The following LST1 variants were observed in gnomAD, a reference collection of about 807,000 sequenced individuals.
LST1 encodes leukocyte-specific transcript 1 protein.
LST1 carries 9 observed loss-of-function variants against 8.5 expected under a neutral mutation model. That is an observed-to-expected ratio of 1.06 (90% CI 0.64 to 1.85). LST1 has a LOEUF of 1.85. Among genes scored for constraint, LST1 ranks in the 40% most tolerant of loss-of-function variants. LST1 has a pLI of 0.00. For synonymous variants in LST1, 53 were observed against 50.4 expected, an observed-to-expected ratio of 1.05 and a Z score of -0.21; for missense variants, 121 against 117.1, an observed-to-expected ratio of 1.03 and a Z score of -0.16.
At chr6:31,586,505 C>T (rs548961806) in intron 1 of LST1, among the ~76,000 whole-genome samples, 190 bp downstream of exon 1, 37 of 152,346 alleles carry the variant, frequency 2.4e-4, no homozygotes, top group African/African-American at 8.4e-4. Flanking sequence ...TGGCCTCCAC[C>T]TGCACTTCTG....
Position 31,588,858 on chromosome 6 carries a change from A to G in LST1, c.*182A>G, listed in dbSNP as rs986476. On this transcript the variant is annotated 3_prime_UTR_variant, in exon 5 of 5. Transcript: ENST00000438075. ...TTGACCTTTGAATAGGGAATTTTTT[A>G]AATTTTTTAAAAATTAAAATAAAAA... 3 of 880,232 alleles carry G rather than the reference A, an allele frequency of 3.4e-6. No homozygotes were observed. The highest frequency in any genetic ancestry group is 2.6e-4 in the Middle Eastern group (1 of 3,880). 54.5% of individuals were successfully genotyped at this position (880,232 alleles called of 1,614,324 possible).
chr6:31,587,066 G>T, intron 1 of LST1, 134 bp from the exon 2 acceptor site: 1 of 592,716 alleles, frequency 1.7e-6, no homozygotes, highest in Non-Finnish European at 3.0e-6. Context: ...TCTTTACTTG[G>T]GCAACGGGCA....
intron 3 of LST1, 26 bp from the exon 4 acceptor site, chr6:31,587,917 TG>T (rs756904914): frequency 1.2e-6 from 2 of 1,606,928 alleles, no homozygotes; most frequent in Non-Finnish European, 8.5e-7. Flanking sequence ...AAGGGTGGGC[TG>T]TGTTGAGCTT....
At chr6:31,588,441 C>G in intron 4 of LST1, 77 bp from the exon 5 acceptor site, 4 of 1,443,044 alleles carry the variant, frequency 2.8e-6, no homozygotes, top group South Asian at 1.2e-5. Context: ...GTAAGAAAGG[C>G]TGGAGGTGGG....
chr6:31,587,550 G>A (rs542384449), intron 2 of LST1, 91 bp from the exon 3 acceptor site: 1 of 851,212 alleles, frequency 1.2e-6, no homozygotes, highest in East Asian at 2.6e-5. Context: ...AACTGTTGGA[G>A]AGGGAATCTG....
At position 31,587,665 on chromosome 6, in the gene LST1, G is replaced by A. The variant is rs752238284; in HGVS notation, c.44G>A (p.Gly15Glu). ...NDDICIYGGL[G>E]LGGLLLLAVV... ...GATATATGTATCTACGGGGGCCTGGGGCTGGGCGGGCTCCTGCTTCTGGCA... is the reference window on the plus strand; with the variant it reads ...GATATATGTATCTACGGGGGCCTGGAGCTGGGCGGGCTCCTGCTTCTGGCA... The change falls in exon 3 of 5, where the codon GGG becomes GAG. Residue 15 changes from glycine to glutamate, a missense_variant. Physicochemically the swap from Gly to Glu is moderately conservative, Grantham distance 98. Coordinates refer to ENST00000438075, the MANE Select transcript of LST1 (RefSeq NM_205839.3). 1.2e-6 allele frequency: 2 copies of A among 1,604,108 alleles called. No homozygotes were observed. The highest frequency in any genetic ancestry group is 1.1e-5 in the South Asian group (1 of 89,362).
intron 4 of LST1, 144 bp from the exon 5 acceptor site, chr6:31,588,374 A>AAGAGAGAGAGAGAGAGAGAGAG (rs9279359): frequency 1.1e-5 from 7 of 627,248 alleles, no homozygotes; most frequent in African/African-American, 4.1e-5. Flanking sequence ...CCAAAGAAAA[A>AAGAGAGAGAGAGAGAGAGAGAG]AGAGAGAGAG....
At chr6:31,588,403 G>GGAGA (rs71663687) in intron 4 of LST1, 115 bp from the exon 5 acceptor site, 19,692 of 536,362 alleles carry the variant, frequency 0.037, 361 homozygotes, top group East Asian at 0.18. Context: ...AGAGAGAGAG[G>GGAGA]GAGAGAGAGA....
rs548410608 is a variant in LST1, at chr6:31,587,666, G to A, written c.45G>A (p.Gly15=). 230 of 1,604,070 alleles carry A rather than the reference G, an allele frequency of 1.4e-4. 1 individual carries two copies. In the East Asian group the frequency reaches 4.7e-3, roughly 33 times the overall value. The stretch of plus-strand genomic sequence containing the variant: ...ATATATGTATCTACGGGGGCCTGGG[G>A]CTGGGCGGGCTCCTGCTTCTGGCAG... The part of the protein sequence containing the change: ...NDDICIYGGL[G]LGGLLLLAVV... Residue 15 remains glycine, a synonymous_variant, in exon 3 of 5, where the codon GGG becomes GGA. Transcript: ENST00000438075.
At chr6:31,586,974 G>C (rs1454131851) in intron 1 of LST1, 1 of 498,056 alleles carries the variant, frequency 2.0e-6, no homozygotes, top group East Asian at 3.6e-5. Context: ...CTGGGCTCTG[G>C]AGTTGGGCAG....
In LST1 at chr6:31,587,209, T is replaced by C; in HGVS notation, c.-91T>C. 1 of 857,062 alleles carries C rather than the reference T, an allele frequency of 1.2e-6. No individual in the cohort carries two copies. Among genetic ancestry groups the C allele is most frequent in the Non-Finnish European group, 2.0e-6 (1 of 502,554 alleles). 53.1% of individuals were successfully genotyped at this position (857,062 alleles called of 1,614,324 possible). On this transcript the variant is annotated 5_prime_UTR_variant, in exon 2 of 5. Coordinates refer to ENST00000438075, the MANE Select transcript of LST1 (RefSeq NM_205839.3). ...GCCCCTCACTTCACAGATGAGGAAC[T>C]TGAGGCAAGTCACCAGCCCCTGATC...
Position 31,588,602 on chromosome 6 carries a change from G to A in LST1, c.220G>A (p.Gly74Ser), listed in dbSNP as rs760163620. The change falls in exon 5 of 5, where the codon GGC becomes AGC. Residue 74 changes from glycine to serine, a missense_variant. Physicochemically the swap from Gly to Ser is moderately conservative, Grantham distance 56 (BLOSUM62 0). Coordinates refer to ENST00000438075, the MANE Select transcript of LST1 (RefSeq NM_205839.3). ...VPSSEGPDLR[G>S]RDKRGTKEDP... Reference sequence around the variant, plus strand: ...CAGCAGTGAGGGACCTGACCTCAGGGGCAGAGACAAGAGAGGCACCAAGGA... The same window carrying A: ...CAGCAGTGAGGGACCTGACCTCAGGAGCAGAGACAAGAGAGGCACCAAGGA... 6.2e-7 allele frequency: 1 copy of A among 1,613,054 alleles called. No homozygotes were observed. The highest frequency in any genetic ancestry group is 2.2e-5 in the East Asian group (1 of 44,884).
In LST1 at chr6:31,588,533, G is replaced by C; in HGVS notation, c.151G>C (p.Glu51Gln). 6.2e-7 allele frequency: 1 copy of C among 1,608,260 alleles called. No homozygotes were observed. The highest frequency in any genetic ancestry group is 1.1e-5 in the South Asian group (1 of 90,318). Residue 51 changes from glutamate to glutamine, a missense_variant, in exon 5 of 5, where the codon GAG (glutamate) becomes CAG (glutamine). Transcript: ENST00000438075. Reference sequence around the variant, plus strand: ...CTGGTCCCAGGCCCAGGGCTCCTCAGAGCAGGAACTCCACTATGCATCTCT... The same window carrying C: ...CTGGTCCCAGGCCCAGGGCTCCTCACAGCAGGAACTCCACTATGCATCTCT... ...LERSWAQGSS[E>Q]QELHYASLQR... is the part of the protein sequence containing the mutation.
In LST1 at chr6:31,588,724, T is replaced by G. The variant is rs757455962; in HGVS notation, c.*48T>G. ...CCCAGGCGGGTGGACAGGGTCCCCCTGTGGTCCAGCCAGTAAAAACCATGG... is the reference window on the plus strand; with the variant it reads ...CCCAGGCGGGTGGACAGGGTCCCCCGGTGGTCCAGCCAGTAAAAACCATGG... On this transcript the variant is annotated 3_prime_UTR_variant, in exon 5 of 5. Coordinates refer to ENST00000438075, the MANE Select transcript of LST1 (RefSeq NM_205839.3). The G allele has an allele frequency of 6.2e-7, 1 of 1,603,598 alleles. No homozygotes were observed. The highest frequency in any genetic ancestry group is 8.5e-7 in the Non-Finnish European group (1 of 1,171,422).
rs577847991 is a variant in LST1 at position 31,587,458 on chromosome 6, G to A, written c.19+140G>A. On this transcript the variant is annotated intron_variant, in intron 2 of 4. Transcript: ENST00000438075. The stretch of plus-strand genomic sequence containing the variant: ...GGTACAGGAGGGAAAGGGACCTCAC[G>A]GGAGGCCCAGAAACCTGGTAAGAGG... The A allele has an allele frequency of 2.0e-4, 207 of 1,048,522 alleles. 1 individual carries two copies. Among genetic ancestry groups the A allele is most frequent in the Middle Eastern group, 4.1e-4 (2 of 4,842 alleles). The allele number at this position is 1,048,522 out of a possible 1,614,324, so 65.0% of individuals were successfully genotyped here. A position where few individuals can be genotyped will look rare whatever the true frequency, so the allele number is the denominator to read the frequency against.
rs767258029 is a variant in LST1 at position 31,588,597 on chromosome 6, T to C, written c.215T>C (p.Leu72Pro). 4.3e-6 allele frequency: 7 copies of C among 1,612,918 alleles called. No homozygotes were observed. The highest frequency in any genetic ancestry group is 5.1e-6 in the Non-Finnish European group (6 of 1,180,020). The change falls in exon 5 of 5, where the codon CTC (leucine) becomes CCC (proline). Residue 72 changes from leucine to proline, a missense_variant. Coordinates refer to ENST00000438075, the MANE Select transcript of LST1 (RefSeq NM_205839.3). ...GTGCCCAGCAGTGAGGGACCTGACC[T>C]CAGGGGCAGAGACAAGAGAGGCACC... is the stretch of plus-strand genomic sequence containing the variant. ...LPVPSSEGPD[L>P]RGRDKRGTKE...
chr6:31,587,463 G>A, intron 2 of LST1, 145 bp downstream of exon 2: 2 of 1,022,808 alleles, frequency 2.0e-6, no homozygotes, highest in South Asian at 2.6e-5. Context: ...CTCACGGGAG[G>A]CCCAGAAACC....
intron 3 of LST1, 29 bp downstream of exon 3, chr6:31,587,762 G>A: frequency 6.5e-7 from 1 of 1,531,346 alleles, no homozygotes; most frequent in South Asian, 1.2e-5. Context: ...CCCTCCCCCT[G>A]CAGCAGTGCC....
At chr6:31,588,010 A>G in intron 4 of LST1, 44 bp downstream of exon 4, 1 of 1,564,678 alleles carries the variant, frequency 6.4e-7, no homozygotes, top group Non-Finnish European at 8.7e-7. Context: ...AGAGATCCTG[A>G]GTGGGTGAGT....
Sources: allele counts gnomAD v4.1 joint callset (sites outside exome capture counted in the v4.1 genomes callset), GRCh38; gene constraint gnomAD v4.1.1; transcripts MANE v1.5; gene names NCBI Gene and HGNC (gene_info 2026-07-23, HGNC 2026-07-21).